BNC2: variants seen among roughly 807,000 people sequenced by gnomAD.
The protein encoded by BNC2 is zinc finger protein basonuclin-2.
Under a neutral mutation model 76.3 loss-of-function variants are expected in BNC2, and 20 were observed. The ratio of observed to expected loss-of-function variants is 0.26; its 90% confidence interval spans 0.18 to 0.38. BNC2 has a LOEUF of 0.38. Among genes scored for constraint, BNC2 ranks in the 10% least tolerant of loss-of-function variants. BNC2 has a pLI of 1.00. For synonymous variants in BNC2, 582 were observed against 514.8 expected, an observed-to-expected ratio of 1.13 and a Z score of -1.77; for missense variants, 1,382 against 1,399.8, an observed-to-expected ratio of 0.99 and a Z score of 0.20.
At position 16,417,331 on chromosome 9, in the gene BNC2, G is replaced by A. The variant is rs533265061; in HGVS notation, c.*1658C>T. On this transcript the variant is annotated 3_prime_UTR_variant, in exon 7 of 7. Transcript: ENST00000380672. The stretch of plus-strand genomic sequence containing the variant: ...TCGGAAACAAAACAAAACAAAAAAG[G>A]TTTGGAGAATAGTCTCTCTCCTCTT... The A allele has an allele frequency of 1.3e-5, 2 of 152,632 alleles. No homozygotes were observed. Among genetic ancestry groups the A allele is most frequent in the Admixed American group, 1.3e-4 (2 of 15,294 alleles). The allele number at this position is 152,632 out of a possible 1,614,324, so 9.5% of individuals were successfully genotyped here.
chr9:16,844,418 T>TA (rs796602705), intron 1 of BNC2, among the ~76,000 whole-genome samples: 2,491 of 145,566 alleles, frequency 0.017, 65 homozygotes, highest in African/African-American at 0.058. Context: ...AACATTCCTT[T>TA]AAAAAAAAAA....
intron 5 of BNC2, among the ~76,000 whole-genome samples, chr9:16,522,079 C>T (rs1817637739): frequency 6.6e-6 from 1 of 152,116 alleles, no homozygotes. Flanking sequence ...GCATTGCATG[C>T]AGATGTCAGG....
At chr9:16,546,114 T>C (rs1818474104) in intron 5 of BNC2, among the ~76,000 whole-genome samples, 1 of 152,242 alleles carries the variant, frequency 6.6e-6, no homozygotes, top group African/African-American at 2.4e-5. Context: ...TATTTCTCTG[T>C]TATAATTACT....
At chr9:16,748,807 C>CA (rs1447599013) in intron 1 of BNC2, among the ~76,000 whole-genome samples, 2 of 136,020 alleles carry the variant, frequency 1.5e-5, no homozygotes, top group Non-Finnish European at 3.0e-5. Context: ...CAGGCCACTG[C>CA]ACTCCAGCCT....
At chr9:16,546,621 T>C (rs1403135472) in intron 5 of BNC2, among the ~76,000 whole-genome samples, 2 of 152,076 alleles carry the variant, frequency 1.3e-5, no homozygotes, top group African/African-American at 2.4e-5. Context: ...GATAACAAAA[T>C]GGAGTATCAG....
intron 1 of BNC2, among the ~76,000 whole-genome samples, chr9:16,849,101 T>C (rs1321869249): frequency 6.6e-6 from 1 of 152,134 alleles, no homozygotes; most frequent in Non-Finnish European, 1.5e-5. Context: ...TTGTTCTAGC[T>C]TTCTTTTAAA....
chr9:16,433,910 C>T (rs1820952110), intron 6 of BNC2, among the ~76,000 whole-genome samples: 1 of 152,050 alleles, frequency 6.6e-6, no homozygotes, highest in South Asian at 2.1e-4. Context: ...GCATTAACCT[C>T]GTTATTAGTA....
intron 1 of BNC2, among the ~76,000 whole-genome samples, chr9:16,741,957 C>CAAAA (rs35573018): frequency 0.014 from 1,073 of 78,616 alleles, 49 homozygotes; most frequent in African/African-American, 0.046. Flanking sequence ...GGCTCCATCT[C>CAAAA]AAAAAAAAAA....
intron 6 of BNC2, chr9:16,431,424 C>T (rs370040611): frequency 1.3e-5 from 6 of 468,520 alleles, no homozygotes; most frequent in East Asian, 7.0e-5. Context: ...GACTATCACG[C>T]TCTCTTCAAG....
chr9:16,819,640 G>A (rs1818268957), intron 1 of BNC2, among the ~76,000 whole-genome samples: 1 of 151,938 alleles, frequency 6.6e-6, no homozygotes, highest in African/African-American at 2.4e-5. Context: ...CTGGGTGACA[G>A]AGCAAGATTC....
chr9:16,696,554 G>A (rs1330222596), intron 3 of BNC2, among the ~76,000 whole-genome samples: 1 of 152,106 alleles, frequency 6.6e-6, no homozygotes, highest in Non-Finnish European at 1.5e-5. Context: ...AGCACCACAT[G>A]ACCTTGAACC....
intron 5 of BNC2, among the ~76,000 whole-genome samples, chr9:16,489,171 A>G (rs1377897718): frequency 4.6e-5 from 7 of 152,232 alleles, no homozygotes; most frequent in African/African-American, 7.2e-5. Flanking sequence ...TCAGTTCAAC[A>G]TATTACCAAT....
intron 3 of BNC2, among the ~76,000 whole-genome samples, chr9:16,661,839 G>C (rs1008828328): frequency 5.9e-5 from 9 of 152,048 alleles, no homozygotes; most frequent in African/African-American, 2.2e-4. Context: ...AATAACAGAG[G>C]TTTTTAAAAA....
intron 3 of BNC2, among the ~76,000 whole-genome samples, chr9:16,604,207 A>G (rs753402339): frequency 1.3e-5 from 2 of 152,168 alleles, no homozygotes; most frequent in Non-Finnish European, 2.9e-5. Context: ...TCTGGGACCC[A>G]TCTTAATTAG....
intron 1 of BNC2, among the ~76,000 whole-genome samples, chr9:16,798,515 A>G (rs1257130505): frequency 1.3e-5 from 2 of 152,228 alleles, no homozygotes; most frequent in Admixed American, 1.3e-4. Context: ...CCTAAGATCA[A>G]AGTGACAAAG....
At position 16,436,777 on chromosome 9, in the gene BNC2, T is replaced by C. The variant is rs375894546; in HGVS notation, c.1417A>G (p.Ile473Val). The C allele has an allele frequency of 1.9e-6, 3 of 1,614,084 alleles. No individual in the cohort carries two copies. The highest frequency in any genetic ancestry group is 2.5e-6 in the Non-Finnish European group (3 of 1,180,040). ...CTAAAGACCATGTTGCAACCTTCAA[T>C]GGTGCATCGATGTTTGATCTTCAGG... The part of the protein sequence containing the change: ...VHLKIKHRCT[I>V]EGCNMVFSSL... Residue 473 changes from isoleucine (I) to valine (V), a missense_variant, in exon 6 of 7, where the codon ATT becomes GTT. Coordinates refer to ENST00000380672, the MANE Select transcript of BNC2 (RefSeq NM_017637.6).
intron 1 of BNC2, among the ~76,000 whole-genome samples, chr9:16,842,801 T>C (rs1818868115): frequency 6.6e-6 from 1 of 152,188 alleles, no homozygotes; most frequent in Non-Finnish European, 1.5e-5. Flanking sequence ...CTCTGTGCAG[T>C]CTTGCTGCAG....
intron 6 of BNC2, among the ~76,000 whole-genome samples, chr9:16,432,343 A>G (rs1820924404): frequency 6.6e-6 from 1 of 152,236 alleles, no homozygotes. Context: ...TTGATCTTAT[A>G]AAATCTAGAA....
chr9:16,693,744 G>C (rs1023332799), intron 3 of BNC2, among the ~76,000 whole-genome samples: 1 of 152,188 alleles, frequency 6.6e-6, no homozygotes, highest in Non-Finnish European at 1.5e-5. Context: ...AAGAAAGGAA[G>C]CCAGGAAAGG....
Sources: allele counts gnomAD v4.1 joint callset (sites outside exome capture counted in the v4.1 genomes callset), GRCh38; gene constraint gnomAD v4.1.1; transcripts MANE v1.5; gene names NCBI Gene and HGNC (gene_info 2026-07-23, HGNC 2026-07-21).